RFLNA: variants seen among roughly 807,000 people sequenced by gnomAD.
RFLNA encodes refilin-A.
In RFLNA, 5 loss-of-function variants were observed where a neutral mutation model predicts 7.8. That is an observed-to-expected ratio of 0.64 (90% CI 0.34 to 1.35). The LOEUF (loss-of-function observed/expected upper bound fraction) is 1.35. Among genes scored for constraint, RFLNA ranks in the 40% most tolerant of loss-of-function variants. The pLI, the probability that RFLNA is intolerant of heterozygous loss-of-function variation, is 0.04. For missense variants in RFLNA, 278 were observed against 305.5 expected, an observed-to-expected ratio of 0.91 and a Z score of 0.67; for synonymous variants, 141 against 131.3, an observed-to-expected ratio of 1.07 and a Z score of -0.50.
At position 124,314,592 on chromosome 12, in the gene RFLNA, C is replaced by T. The variant is rs1180562698; in HGVS notation, c.*67C>T. 2 of 1,535,284 alleles carry T rather than the reference C, an allele frequency of 1.3e-6. No individual in the cohort carries two copies. Among genetic ancestry groups the T allele is most frequent in the Admixed American group, 3.9e-5 (2 of 51,038 alleles). ...CCTGGGGAGAAGCCGGGAGGATGGA[C>T]ACGATGAGCTCGGCCTGGCACTCGG... is the stretch of plus-strand genomic sequence containing the variant. On this transcript the variant is annotated 3_prime_UTR_variant, in exon 3 of 3. Coordinates refer to ENST00000546355, the MANE Select transcript of RFLNA (RefSeq NM_001365156.1).
At chr12:124,303,020 T>G (rs2034073003) in intron 1 of RFLNA, among the ~76,000 whole-genome samples, 1 of 152,102 alleles carries the variant, frequency 6.6e-6, no homozygotes, top group African/African-American at 2.4e-5. Flanking sequence ...TGCCTCCCAC[T>G]CCTGCACTGA....
At chr12:124,301,523 G>T (rs2034038552) in intron 1 of RFLNA, among the ~76,000 whole-genome samples, 2 of 152,198 alleles carry the variant, frequency 1.3e-5, no homozygotes, top group African/African-American at 4.8e-5. Flanking sequence ...ACGGTACATG[G>T]ACTGTGGACA....
At chr12:124,296,811 A>AG (rs1032289323) in intron 1 of RFLNA, among the ~76,000 whole-genome samples, 4 of 152,202 alleles carry the variant, frequency 2.6e-5, no homozygotes, top group African/African-American at 4.8e-5. Context: ...CTGAATTGAT[A>AG]GGGGGTGCAG....
chr12:124,293,446 C>T (rs544749972), upstream of RFLNA, among the ~76,000 whole-genome samples: 11 of 152,258 alleles, frequency 7.2e-5, no homozygotes, highest in Admixed American at 5.2e-4. Flanking sequence ...TTCCATGTGT[C>T]TGTGTTCCAG....
chr12:124,308,021 G>A (rs2034167646), intron 1 of RFLNA, among the ~76,000 whole-genome samples: 1 of 146,444 alleles, frequency 6.8e-6, no homozygotes, highest in Admixed American at 6.9e-5. Flanking sequence ...CCGCTCTGTT[G>A]CCCAGGCTGG....
In RFLNA at chr12:124,303,754, C is replaced by G. The variant is rs543622530; in HGVS notation, c.208-8064C>G. Among the ~76,000 whole-genome samples the G allele has an allele frequency of 3.2e-3, 487 of 152,260 alleles. 4 individuals carry two copies. Among genetic ancestry groups the G allele is most frequent in the African/African-American group, 0.011 (466 of 41,564 alleles). Reference sequence around the variant, plus strand: ...CAGCCTCGTTTCACAGATGAGCAAACCGAGGGCAGACGAGGGCATCTCACC... The same window carrying G: ...CAGCCTCGTTTCACAGATGAGCAAAGCGAGGGCAGACGAGGGCATCTCACC... On this transcript the variant is annotated intron_variant, in intron 1 of 2. Coordinates refer to ENST00000546355, the MANE Select transcript of RFLNA (RefSeq NM_001365156.1).
At position 124,306,098 on chromosome 12, in the gene RFLNA, G is replaced by A. The variant is rs1022711504; in HGVS notation, c.208-5720G>A. On this transcript the variant is annotated intron_variant, in intron 1 of 2. Coordinates refer to ENST00000546355, the MANE Select transcript of RFLNA (RefSeq NM_001365156.1). The surrounding 1 kb of genome is among the most constrained non-coding windows in gnomAD (Gnocchi z 5.2). Reference sequence around the variant, plus strand: ...GGACAGGTATGGGCCCATACTCGGGGCTCTCTGGGTTGGGGCAGGGGCTGC... The same window carrying A: ...GGACAGGTATGGGCCCATACTCGGGACTCTCTGGGTTGGGGCAGGGGCTGC... Among the ~76,000 whole-genome samples, 3 of 152,112 alleles carry A rather than the reference G, an allele frequency of 2.0e-5. No individual in the cohort carries two copies. The highest frequency in any genetic ancestry group is 7.2e-5 in the African/African-American group (3 of 41,412).
intron 1 of RFLNA, among the ~76,000 whole-genome samples, chr12:124,301,914 C>T (rs1336155300): frequency 6.6e-6 from 1 of 152,218 alleles, no homozygotes; most frequent in East Asian, 1.9e-4. Flanking sequence ...TTCATCCTCT[C>T]AGAGTTCCGG....
intron 1 of RFLNA, among the ~76,000 whole-genome samples, chr12:124,309,157 G>C (rs2034190979): frequency 6.6e-6 from 1 of 151,830 alleles, no homozygotes; most frequent in Admixed American, 6.5e-5. Flanking sequence ...GGGCCCAGTG[G>C]GGGCACTCCA....
upstream of RFLNA, among the ~76,000 whole-genome samples, chr12:124,293,777 G>A (rs73223550): frequency 2.2e-4 from 34 of 152,146 alleles, no homozygotes; most frequent in African/African-American, 6.7e-4. Flanking sequence ...GTCAGTGTCC[G>A]GCATGCACCT....
At position 124,306,901 on chromosome 12, in the gene RFLNA, T is replaced by C. The variant is rs2034146455; in HGVS notation, c.208-4917T>C. On this transcript the variant is annotated intron_variant, in intron 1 of 2. Transcript: ENST00000546355. The surrounding 1 kb of genome is among the most constrained non-coding windows in gnomAD (Gnocchi z 5.2). The stretch of plus-strand genomic sequence containing the variant: ...GCCCAGCCCGATGTCCACCCTCCAC[T>C]CCCTCTGCCCGAGGCCGGTGTGCAT... 6.6e-6 allele frequency among the ~76,000 whole-genome samples: 1 copy of C among 152,066 alleles called. No homozygotes were observed. Among genetic ancestry groups the C allele is most frequent in the African/African-American group, 2.4e-5 (1 of 41,390 alleles).
chr12:124,313,635 C>T (rs894976385), intron 2 of RFLNA, among the ~76,000 whole-genome samples: 90 of 151,276 alleles, frequency 5.9e-4, no homozygotes, highest in African/African-American at 1.8e-3. Context: ...GCCGAGATCG[C>T]GCCACTGCAC....
chr12:124,309,281 G>A (rs994194134), intron 1 of RFLNA, among the ~76,000 whole-genome samples: 30 of 152,158 alleles, frequency 2.0e-4, no homozygotes, highest in Admixed American at 1.6e-3. Flanking sequence ...AACCCTTCTC[G>A]TGCCCTCATT....
intron 1 of RFLNA, among the ~76,000 whole-genome samples, chr12:124,305,797 C>T (rs2034126916): frequency 6.6e-6 from 1 of 152,204 alleles, no homozygotes; most frequent in African/African-American, 2.4e-5. Context: ...TTCCCAGGTC[C>T]TGGGGGTTAG....
At chr12:124,299,592 G>A (rs2033991118) in intron 1 of RFLNA, among the ~76,000 whole-genome samples, 1 of 152,184 alleles carries the variant, frequency 6.6e-6, no homozygotes, top group Non-Finnish European at 1.5e-5. Context: ...ACTTATAAAT[G>A]AGAAATACAG....
At chr12:124,302,262 C>A (rs1263214952) in intron 1 of RFLNA, among the ~76,000 whole-genome samples, 1 of 152,180 alleles carries the variant, frequency 6.6e-6, no homozygotes, top group Non-Finnish European at 1.5e-5. Flanking sequence ...GCAGGCCACA[C>A]CCATCTTGCT....
Position 124,314,114 on chromosome 12 carries a change from T to C in RFLNA, c.318-78T>C. ...CTTCAGAGCATCTGCCCAGGGCCCT[T>C]TCGTGTCCATGCTGAGGGCAGGGAA... On this transcript the variant is annotated intron_variant, in intron 2 of 2. Coordinates refer to ENST00000546355, the MANE Select transcript of RFLNA (RefSeq NM_001365156.1). 2.2e-5 allele frequency: 33 copies of C among 1,513,396 alleles called. No homozygotes were observed. The South Asian group carries it at 3.9e-4, about 18-fold the overall frequency. The allele number at this position is 1,513,396 out of a possible 1,614,324, so 93.7% of individuals were successfully genotyped here.
At chr12:124,291,490 C>T (rs541091901), upstream of RFLNA, among the ~76,000 whole-genome samples, 7 of 152,276 alleles carry the variant, frequency 4.6e-5, no homozygotes, top group Admixed American at 3.9e-4. Flanking sequence ...CTCCTGACCT[C>T]AGTTGATCCA....
chr12:124,307,070 C>A (rs776670734), intron 1 of RFLNA, among the ~76,000 whole-genome samples: 4 of 152,232 alleles, frequency 2.6e-5, no homozygotes, highest in African/African-American at 9.7e-5. Flanking sequence ...AGCATCACCA[C>A]GCACTAGACG....
Sources: allele counts gnomAD v4.1 joint callset (sites outside exome capture counted in the v4.1 genomes callset), GRCh38; gene constraint gnomAD v4.1.1; non-coding constraint Gnocchi (gnomAD v3.1); transcripts MANE v1.5; gene names NCBI Gene and HGNC (gene_info 2026-07-23, HGNC 2026-07-21).